Variants in TMEM132C observed in about 807,000 individuals in gnomAD.
The protein encoded by TMEM132C is transmembrane protein 132C.
In TMEM132C, 29 loss-of-function variants were observed where a neutral mutation model predicts 61.4. That is an observed-to-expected ratio of 0.47 (90% CI 0.35 to 0.64). TMEM132C has a LOEUF of 0.64. TMEM132C is among the 30% of genes least tolerant of loss of function. The pLI is 0.00. For synonymous variants in TMEM132C, 656 were observed against 633.1 expected, an observed-to-expected ratio of 1.04 and a Z score of -0.54; for missense variants, 1,408 against 1,476.9, an observed-to-expected ratio of 0.95 and a Z score of 0.76.
Position 128,693,838 on chromosome 12 carries a change from C to A in TMEM132C, c.1459C>A (p.Arg487Ser), listed in dbSNP as rs1409919791. 6.4e-7 allele frequency: 1 copy of A among 1,551,734 alleles called. No homozygotes were observed. Among genetic ancestry groups the A allele is most frequent in the Admixed American group, 2.0e-5 (1 of 51,008 alleles). ...CCCTCTGTCTTTGCAGGTGTCTGAG[C>A]GCTGTGACTACATCTTTGTCAATGG... ...TDEDVIKVSE[R>S]CDYIFVNGKE... Residue 487 changes from arginine (R) to serine (S), a missense_variant, in exon 6 of 9, where the codon CGC (arginine) becomes AGC (serine). Physicochemically the swap from Arg to Ser is moderately radical, Grantham distance 110. Transcript: ENST00000435159.
intron 1 of TMEM132C, among the ~76,000 whole-genome samples, chr12:128,392,097 TC>T (rs1370980185): frequency 4.8e-5 from 7 of 145,216 alleles, no homozygotes; most frequent in African/African-American, 1.8e-4. Flanking sequence ...TCTCTCTCTC[TC>T]AGAGATGTGT....
intron 4 of TMEM132C, among the ~76,000 whole-genome samples, chr12:128,654,141 C>T (rs1954301061): frequency 6.6e-6 from 1 of 152,178 alleles, no homozygotes. Flanking sequence ...GTGAATCTGA[C>T]CTTCTTTGGA....
intron 3 of TMEM132C, among the ~76,000 whole-genome samples, chr12:128,594,854 GACT>G (rs1006813097): frequency 2.3e-4 from 35 of 152,192 alleles, no homozygotes; most frequent in Non-Finnish European, 4.4e-5. Flanking sequence ...CAGCTTCCAA[GACT>G]CCTAAGAATG....
chr12:128,508,586 A>C (rs76533896), intron 2 of TMEM132C, among the ~76,000 whole-genome samples: 4,336 of 152,290 alleles, frequency 0.028, 215 homozygotes, highest in African/African-American at 0.096. Flanking sequence ...CAAGTGCTGC[A>C]TGCATTGTCA....
At chr12:128,651,426 C>T (rs1337167963) in intron 4 of TMEM132C, among the ~76,000 whole-genome samples, 2 of 152,194 alleles carry the variant, frequency 1.3e-5, no homozygotes, top group African/African-American at 4.8e-5. Flanking sequence ...TCAAGGCCTT[C>T]GTCTTAAAGC....
At chr12:128,272,726 T>C (rs1382737700) in intron 1 of TMEM132C, among the ~76,000 whole-genome samples, 2 of 152,226 alleles carry the variant, frequency 1.3e-5, no homozygotes, top group African/African-American at 4.8e-5. Context: ...ATAATAGGCA[T>C]TTCTTTGAGG....
chr12:128,566,728 G>A (rs964885022), intron 3 of TMEM132C, among the ~76,000 whole-genome samples: 3 of 152,188 alleles, frequency 2.0e-5, no homozygotes, highest in Non-Finnish European at 4.4e-5. Context: ...GCCACATCAC[G>A]TAGTTCGTAC....
intron 2 of TMEM132C, among the ~76,000 whole-genome samples, chr12:128,486,651 C>T (rs1871501396): frequency 1.3e-5 from 2 of 152,012 alleles, no homozygotes; most frequent in African/African-American, 4.8e-5. Flanking sequence ...ATATTCTCAC[C>T]ATCGTTGAAG....
intron 2 of TMEM132C, among the ~76,000 whole-genome samples, chr12:128,486,449 G>T (rs994923564): frequency 6.6e-6 from 1 of 152,098 alleles, no homozygotes; most frequent in Non-Finnish European, 1.5e-5. Context: ...CCCGAGGAGA[G>T]TCTACAAGCT....
At chr12:128,358,938 G>A (rs530570168) in intron 1 of TMEM132C, among the ~76,000 whole-genome samples, 13 of 152,256 alleles carry the variant, frequency 8.5e-5, no homozygotes, top group Non-Finnish European at 1.3e-4. Context: ...TAGTATTATA[G>A]CAAACCAGTG....
At chr12:128,489,389 A>C (rs866596389) in intron 2 of TMEM132C, among the ~76,000 whole-genome samples, 2 of 150,828 alleles carry the variant, frequency 1.3e-5, no homozygotes, top group African/African-American at 4.9e-5. Context: ...AAAAAAAAAA[A>C]CCATAGCCTC....
At chr12:128,319,966 C>T (rs1259508499) in intron 1 of TMEM132C, among the ~76,000 whole-genome samples, 7 of 151,916 alleles carry the variant, frequency 4.6e-5, no homozygotes, top group African/African-American at 7.3e-5. Flanking sequence ...AAATTGTTGG[C>T]GGCAGTGTTT....
intron 4 of TMEM132C, among the ~76,000 whole-genome samples, chr12:128,666,729 G>A (rs770879854): frequency 1.3e-5 from 2 of 152,212 alleles, no homozygotes; most frequent in African/African-American, 2.4e-5. Flanking sequence ...CCATGTCACA[G>A]CCAGTTTATT....
chr12:128,623,065 A>G (rs145611954), intron 4 of TMEM132C, among the ~76,000 whole-genome samples: 1 of 152,322 alleles, frequency 6.6e-6, no homozygotes, highest in African/African-American at 2.4e-5. Flanking sequence ...TTTGCCTAAA[A>G]AGTAAATCTC....
chr12:128,654,717 G>A (rs1446395788), intron 4 of TMEM132C, among the ~76,000 whole-genome samples: 1 of 152,190 alleles, frequency 6.6e-6, no homozygotes, highest in Non-Finnish European at 1.5e-5. Flanking sequence ...ATGCTGGGCT[G>A]AGATGCTGCC....
At chr12:128,289,608 T>C (rs1871194239) in intron 1 of TMEM132C, among the ~76,000 whole-genome samples, 1 of 152,212 alleles carries the variant, frequency 6.6e-6, no homozygotes, top group Non-Finnish European at 1.5e-5. Context: ...AAGAGGTGTA[T>C]TTAACGTCCC....
intron 4 of TMEM132C, among the ~76,000 whole-genome samples, chr12:128,632,555 A>C (rs1161068435): frequency 6.6e-6 from 1 of 152,236 alleles, no homozygotes; most frequent in East Asian, 1.9e-4. Context: ...TTGTGCGCTT[A>C]AAGTCCCAGG....
chr12:128,319,118 G>A (rs1872242220), intron 1 of TMEM132C, among the ~76,000 whole-genome samples: 1 of 152,182 alleles, frequency 6.6e-6, no homozygotes, highest in Admixed American at 6.5e-5. Context: ...AACTGCTTAG[G>A]ATCTGGACTC....
intron 1 of TMEM132C, among the ~76,000 whole-genome samples, chr12:128,286,721 C>T (rs1271988653): frequency 2.7e-5 from 4 of 150,868 alleles, no homozygotes; most frequent in Non-Finnish European, 5.9e-5. Context: ...ACACAGTCAC[C>T]TGAGGCCAAA....
Sources: allele counts gnomAD v4.1 joint callset (sites outside exome capture counted in the v4.1 genomes callset), GRCh38; gene constraint gnomAD v4.1.1; transcripts MANE v1.5; gene names NCBI Gene and HGNC (gene_info 2026-07-23, HGNC 2026-07-21).